ATP9A: variants seen among roughly 807,000 people sequenced by gnomAD.
The protein encoded by ATP9A is probable phospholipid-transporting ATPase IIA.
Under a neutral mutation model 144.1 loss-of-function variants are expected in ATP9A, and 52 were observed. The observed-to-expected ratio is 0.36, with a 90% CI of 0.29 to 0.45. The LOEUF is 0.45. Ranked by LOEUF, ATP9A falls within the 20% of genes least tolerant of loss-of-function variation. ATP9A has a pLI of 1.00. For missense variants in ATP9A, 947 were observed against 1,392.7 expected (o/e 0.68, Z 5.09); for synonymous variants, 582 against 557.4 (o/e 1.04, Z -0.62).
At chr20:51,746,890 C>T (rs1274423203) in intron 1 of ATP9A, among the ~76,000 whole-genome samples, 1 of 151,860 alleles carries the variant, frequency 6.6e-6, no homozygotes, top group African/African-American at 2.4e-5. Context: ...CCCGTAATCC[C>T]AGCTACTCCA....
At chr20:51,685,918 T>C (rs1296803151) in intron 9 of ATP9A, among the ~76,000 whole-genome samples, 1 of 152,206 alleles carries the variant, frequency 6.6e-6, no homozygotes, top group African/African-American at 2.4e-5. Flanking sequence ...CATGCACACG[T>C]ATGTTTATTG....
intron 7 of ATP9A, among the ~76,000 whole-genome samples, chr20:51,691,533 G>A (rs1311431750): frequency 2.6e-5 from 4 of 152,156 alleles, no homozygotes; most frequent in Non-Finnish European, 5.9e-5. Context: ...ATAAACCTCT[G>A]GGAAGAGCTG....
At chr20:51,718,499 T>C (rs1334679561) in intron 3 of ATP9A, among the ~76,000 whole-genome samples, 1 of 151,772 alleles carries the variant, frequency 6.6e-6, no homozygotes, top group Non-Finnish European at 1.5e-5. Context: ...GCAAAAAGAA[T>C]GGCAGGATCT....
intron 4 of ATP9A, among the ~76,000 whole-genome samples, chr20:51,704,107 C>T (rs2077605314): frequency 6.9e-6 from 1 of 145,640 alleles, no homozygotes; most frequent in Admixed American, 7.0e-5. Context: ...TATTTGAAAA[C>T]AGGCAAAGAG....
chr20:51,762,576 T>C (rs959687520), intron 1 of ATP9A, among the ~76,000 whole-genome samples: 1 of 151,428 alleles, frequency 6.6e-6, no homozygotes. Flanking sequence ...TGAGAATCGC[T>C]TGAACCCGGG....
At chr20:51,605,692 C>T (rs1251740475) in intron 26 of ATP9A, among the ~76,000 whole-genome samples, 2 of 151,894 alleles carry the variant, frequency 1.3e-5, no homozygotes, top group Non-Finnish European at 2.9e-5. Context: ...GCGGGCGGAT[C>T]ACTGGAGGCC....
At chr20:51,699,279 G>GC (rs1198693993) in intron 4 of ATP9A, among the ~76,000 whole-genome samples, 1 of 139,392 alleles carries the variant, frequency 7.2e-6, no homozygotes, top group Non-Finnish European at 1.5e-5. Context: ...GTTGCAGTGA[G>GC]CCAAGATCTC....
At chr20:51,689,972 C>T (rs1422188407) in intron 8 of ATP9A, among the ~76,000 whole-genome samples, 2 of 150,900 alleles carry the variant, frequency 1.3e-5, no homozygotes, top group East Asian at 2.0e-4. Context: ...ATTAGCCAGG[C>T]GTGGTGATGC....
intron 14 of ATP9A, among the ~76,000 whole-genome samples, chr20:51,651,282 A>ATTATATAATATATATTTACATT (rs1568803490): frequency 2.4e-5 from 2 of 83,862 alleles, no homozygotes; most frequent in African/African-American, 8.8e-5. Flanking sequence ...ATATTTACAT[A>ATTATATAATATATATTTACATT]ATATATTATA....
Position 51,725,804 on chromosome 20 carries a change from T to G in ATP9A, c.327+15A>C. The G allele has an allele frequency of 6.6e-7, 1 of 1,514,846 alleles. No individual in the cohort carries two copies. Among genetic ancestry groups the G allele is most frequent in the Non-Finnish European group, 9.2e-7 (1 of 1,089,888 alleles). 93.8% of individuals were successfully genotyped at this position (1,514,846 alleles called of 1,614,324 possible). A position where few individuals can be genotyped will look rare whatever the true frequency, so the allele number is the denominator to read the frequency against. ...ACCTCTAAGGTTACTGAACAAACAA[T>G]GCCGATTAACTTACCAGGGGAACCC... On this transcript the variant is annotated intron_variant, in intron 3 of 27. Coordinates refer to ENST00000338821, the MANE Select transcript of ATP9A (RefSeq NM_006045.3).
intron 13 of ATP9A, among the ~76,000 whole-genome samples, chr20:51,658,371 G>A (rs955471001): frequency 6.6e-6 from 1 of 151,890 alleles, no homozygotes; most frequent in Non-Finnish European, 1.5e-5. Context: ...GGAGAGGAGT[G>A]AACTAGAGGT....
rs1165437524 is a variant in ATP9A at position 51,707,156 on chromosome 20, G to A, written c.436+5810C>T. 2.0e-5 allele frequency among the ~76,000 whole-genome samples: 3 copies of A among 152,176 alleles called. No individual in the cohort carries two copies. The East Asian group carries it at 5.8e-4, about 29-fold the overall frequency. On this transcript the variant is annotated intron_variant, in intron 4 of 27. Transcript: ENST00000338821. The stretch of plus-strand genomic sequence containing the variant: ...ATCTGGGTCCTGGCCTGAGTTCCAT[G>A]TTCAGGTGGGTCCCGTACTTGGTTT...
chr20:51,613,756 T>C lies in ATP9A; in HGVS notation c.2492A>G (p.His831Arg). 6.2e-7 allele frequency: 1 copy of C among 1,614,194 alleles called. No homozygotes were observed. The highest frequency in any genetic ancestry group is 8.5e-7 in the Non-Finnish European group (1 of 1,180,028). ...FKHLGRLLMV[H>R]GRNSYKRSAA... ...TGACCGCTTGTAGCTGTTCCGGCCA[T>C]GCACCATAAGCAACCGGCCAAGATG... The change falls in exon 23 of 28, where the codon CAT (histidine) becomes CGT (arginine). Residue 831 changes from histidine (H) to arginine (R), a missense_variant. By Grantham distance (29) the His-to-Arg change is conservative. This residue lies in a region of ATP9A where 177 missense variants were observed against 344.9 expected (regional missense o/e 0.51). Coordinates refer to ENST00000338821, the MANE Select transcript of ATP9A (RefSeq NM_006045.3).
chr20:51,765,351 G>A (rs142074512), intron 1 of ATP9A, among the ~76,000 whole-genome samples: 1 of 152,224 alleles, frequency 6.6e-6, no homozygotes, highest in East Asian at 1.9e-4. Flanking sequence ...CCAAATCCAT[G>A]TCACTGTTTA....
At chr20:51,768,268 G>C (rs966906921) in intron 1 of ATP9A, 34 bp downstream of exon 1, 9 of 1,233,824 alleles carry the variant, frequency 7.3e-6, no homozygotes, top group South Asian at 3.4e-5. Flanking sequence ...CGGGAGGCGC[G>C]GACAAAGGAA....
chr20:51,721,319 T>A (rs1292634952), intron 3 of ATP9A, among the ~76,000 whole-genome samples: 1 of 152,212 alleles, frequency 6.6e-6, no homozygotes, highest in Non-Finnish European at 1.5e-5. Context: ...CAACTTTCTC[T>A]TAGTCAAAAA....
chr20:51,739,239 C>T (rs1333160963), intron 1 of ATP9A, among the ~76,000 whole-genome samples: 1 of 152,178 alleles, frequency 6.6e-6, no homozygotes, highest in Non-Finnish European at 1.5e-5. Context: ...TGTCCCCAAC[C>T]AGGTCTGAAC....
At chr20:51,615,101 C>CG (rs2077198265) in intron 22 of ATP9A, among the ~76,000 whole-genome samples, 5 of 540 alleles carry the variant, frequency 9.3e-3, no homozygotes, top group Admixed American at 0.023. Flanking sequence ...GGGGGCGGGG[C>CG]GGGGGGTGGG....
rs932122120 is a variant in ATP9A, at chr20:51,603,608, T to C, written c.3007+1209A>G. ...TATGGCAAAGCAAGTGAGGTCAGCA[T>C]GGAAGAGTGATGAAACCAGGCTTGT... On this transcript the variant is annotated intron_variant, in intron 27 of 27. Coordinates refer to ENST00000338821, the MANE Select transcript of ATP9A (RefSeq NM_006045.3). Among the ~76,000 whole-genome samples, 11 of 152,092 alleles carry C rather than the reference T, an allele frequency of 7.2e-5. 2 individuals are homozygous for C. The highest frequency in any genetic ancestry group is 1.5e-5 in the Non-Finnish European group (1 of 67,994).
Sources: allele counts gnomAD v4.1 joint callset (sites outside exome capture counted in the v4.1 genomes callset), GRCh38; gene constraint gnomAD v4.1.1; regional missense constraint gnomAD v4.1.1; transcripts MANE v1.5; gene names NCBI Gene and HGNC (gene_info 2026-07-23, HGNC 2026-07-21).